CASP9: variants seen among roughly 807,000 people sequenced by gnomAD.
CASP9 encodes the protein caspase 9.
In CASP9, 29 loss-of-function variants were observed where a neutral mutation model predicts 43.5. The ratio of observed to expected loss-of-function variants is 0.67; its 90% CI spans 0.50 to 0.91. The LOEUF is 0.91. Ranked by LOEUF, CASP9 falls within the 40% of genes least tolerant of loss-of-function variation. The probability of loss-of-function intolerance (pLI) is 0.00; values close to 1 mark genes in which losing one functional copy is unlikely to be tolerated. For missense variants in CASP9, 575 were observed against 537.4 expected (o/e 1.07, Z -0.69); for synonymous variants, 206 against 211.9 (o/e 0.97, Z 0.24).
intron 5 of CASP9, among the ~76,000 whole-genome samples, chr1:15,505,121 T>C (rs1206430733): frequency 2.0e-5 from 3 of 152,120 alleles, no homozygotes; most frequent in Non-Finnish European, 2.9e-5. Context: ...TAATCAGCAG[T>C]ATGGTCCTCC....
intron 6 of CASP9, among the ~76,000 whole-genome samples, chr1:15,500,530 C>T (rs1400574504): frequency 1.3e-5 from 2 of 152,180 alleles, no homozygotes; most frequent in Non-Finnish European, 2.9e-5. Context: ...ATATGAGGGG[C>T]GCGGAATTCT....
rs1709071521 is a variant in CASP9 at position 15,495,443 on chromosome 1, T to C, written c.878A>G (p.Asp293Gly). The change falls in exon 7 of 9, where the codon GAC (aspartate) becomes GGC (glycine). Residue 293 changes from aspartate (D) to glycine (G), a missense_variant. Asp to Gly is a moderately conservative substitution (Grantham distance 94). Coordinates refer to ENST00000333868, the MANE Select transcript of CASP9 (RefSeq NM_001229.5). ...AGTGGAGGCCACCTCAAACCCATGG[T>C]CTTTCTGCTCTGCAGGAAGCAGAAA... ...FIQACGGEQK[D>G]HGFEVASTSP... 1 of 1,589,556 alleles carries C rather than the reference T, an allele frequency of 6.3e-7. No homozygotes were observed. The highest frequency in any genetic ancestry group is 1.1e-5 in the South Asian group (1 of 87,310).
chr1:15,511,824 A>G (rs1022588762), intron 2 of CASP9, among the ~76,000 whole-genome samples: 3 of 152,238 alleles, frequency 2.0e-5, no homozygotes, highest in African/African-American at 7.2e-5. Flanking sequence ...GTGATTTTCA[A>G]TCAGGACACA....
chr1:15,497,079 G>T lies in CASP9; in HGVS notation c.869-1627C>A, dbSNP rs181767750. On this transcript the variant is annotated intron_variant, in intron 6 of 8. Coordinates refer to ENST00000333868, the MANE Select transcript of CASP9 (RefSeq NM_001229.5). ...AATCCCAGCACTTTGGGAGGCCAAG[G>T]CAGGCAGATCACCTGAGGTCAGGAG... 6.6e-5 allele frequency among the ~76,000 whole-genome samples: 10 copies of T among 152,112 alleles called. No individual in the cohort carries two copies. The East Asian group carries it at 1.9e-3, about 29-fold the overall frequency.
chr1:15,513,277 T>C (rs1199897554), intron 2 of CASP9, among the ~76,000 whole-genome samples: 2 of 151,992 alleles, frequency 1.3e-5, no homozygotes, highest in Non-Finnish European at 2.9e-5. Flanking sequence ...GTGTTGGGGA[T>C]GCAGCATTGA....
intron 6 of CASP9, among the ~76,000 whole-genome samples, chr1:15,498,887 C>G (rs1404969533): frequency 1.3e-5 from 2 of 151,958 alleles, no homozygotes; most frequent in African/African-American, 4.8e-5. Context: ...GCTGGGACTA[C>G]AGGCGTGTGC....
intron 6 of CASP9, 142 bp from the exon 7 acceptor site, chr1:15,495,594 C>T (rs1353839660): frequency 3.1e-5 from 22 of 720,152 alleles, no homozygotes; most frequent in Middle Eastern, 3.9e-4. Context: ...TTAAGCCAAA[C>T]GGAAAAGTCA....
chr1:15,501,136 G>A (rs980151824), intron 6 of CASP9, among the ~76,000 whole-genome samples: 2 of 152,190 alleles, frequency 1.3e-5, no homozygotes, highest in Middle Eastern at 3.4e-3. Context: ...GAAAATCCAC[G>A]ACCACTGCAG....
At chr1:15,510,879 G>A (rs1709727377) in intron 2 of CASP9, among the ~76,000 whole-genome samples, 1 of 151,994 alleles carries the variant, frequency 6.6e-6, no homozygotes, top group Non-Finnish European at 1.5e-5. Flanking sequence ...ATGTGCCCAG[G>A]TCTCCAACAC....
chr1:15,506,785 T>C, intron 4 of CASP9, 114 bp downstream of exon 4: 1 of 857,338 alleles, frequency 1.2e-6, no homozygotes, highest in Non-Finnish European at 1.8e-6. Context: ...CCTCCCATGG[T>C]CCTCCAGATG....
At chr1:15,524,644 C>T (rs1387924772), upstream of CASP9, 2 of 1,048,960 alleles carry the variant, frequency 1.9e-6, no homozygotes, top group African/African-American at 3.7e-5. Context: ...TCCAACGCCT[C>T]GCCCCGCCCC....
intron 2 of CASP9, among the ~76,000 whole-genome samples, chr1:15,511,750 T>C (rs1709764035): frequency 6.6e-6 from 1 of 152,166 alleles, no homozygotes; most frequent in South Asian, 2.1e-4. Context: ...AGGCCCAGGT[T>C]TGGGCTCAGG....
chr1:15,524,426 C>T (rs1453216471), upstream of CASP9: 1 of 1,254,306 alleles, frequency 8.0e-7, no homozygotes, highest in South Asian at 1.8e-5. Context: ...CTCTGCGCCT[C>T]GCCCCGCCCC....
At position 15,518,147 on chromosome 1, in the gene CASP9, T is replaced by A; in HGVS notation, c.381A>T (p.Arg127Ser). 6.2e-7 allele frequency: 1 copy of A among 1,614,180 alleles called. No homozygotes were observed. Among genetic ancestry groups the A allele is most frequent in the Non-Finnish European group, 8.5e-7 (1 of 1,180,028 alleles). Residue 127 changes from arginine (R) to serine (S), a missense_variant, in exon 2 of 9, where the codon AGA (arginine) becomes AGT (serine). Arg to Ser is a moderately radical substitution (Grantham distance 110, BLOSUM62 -1). Transcript: ENST00000333868. ...ATCCTCCAGAACCAATGTCCACTGG[T>A]CTGGGTGTTTCCGGTCTGAGAACCT... ...KPEVLRPETPRPVDIGSGGFG... is the reference protein window; with the variant it reads ...KPEVLRPETPSPVDIGSGGFG...
intron 4 of CASP9, 106 bp downstream of exon 4, chr1:15,506,793 A>G: frequency 2.1e-6 from 2 of 936,294 alleles, no homozygotes; most frequent in South Asian, 3.1e-5. Flanking sequence ...GGTCCTCCAG[A>G]TGTAAGGGCT....
chr1:15,513,000 A>T (rs1193795796), intron 2 of CASP9, among the ~76,000 whole-genome samples: 4 of 152,140 alleles, frequency 2.6e-5, no homozygotes, highest in Non-Finnish European at 5.9e-5. Flanking sequence ...TACTAAAAAA[A>T]ATACAAAAAA....
intron 7 of CASP9, among the ~76,000 whole-genome samples, chr1:15,494,696 T>C (rs546769407): frequency 7.3e-5 from 11 of 151,556 alleles, no homozygotes; most frequent in Non-Finnish European, 1.5e-4. Context: ...ACCCCATCTC[T>C]ACTAAAAATA....
chr1:15,499,997 GA>G (rs1379215792), intron 6 of CASP9, among the ~76,000 whole-genome samples: 2 of 152,206 alleles, frequency 1.3e-5, no homozygotes, highest in African/African-American at 4.8e-5. Flanking sequence ...CAGAGCTACT[GA>G]AGTGGAGACA....
At chr1:15,501,384 T>A (rs1709322423) in intron 6 of CASP9, among the ~76,000 whole-genome samples, 1 of 151,876 alleles carries the variant, frequency 6.6e-6, no homozygotes, top group African/African-American at 2.4e-5. Flanking sequence ...AAATGATTTT[T>A]AAATTATTTA....
Sources: allele counts gnomAD v4.1 joint callset (sites outside exome capture counted in the v4.1 genomes callset), GRCh38; gene constraint gnomAD v4.1.1; transcripts MANE v1.5; gene names NCBI Gene and HGNC (gene_info 2026-07-23, HGNC 2026-07-21).